The following BAZ2B variants were observed in gnomAD, a reference collection of about 807,000 sequenced individuals.
BAZ2B encodes bromodomain adjacent to zinc finger domain protein 2B.
In BAZ2B, 91 loss-of-function variants were observed where a neutral mutation model predicts 246.0. The ratio of observed to expected loss-of-function variants is 0.37; its 90% CI spans 0.31 to 0.44. The LOEUF (loss-of-function observed/expected upper bound fraction) is 0.44, where lower values mean the gene tolerates loss of function less well. Ranked by LOEUF, BAZ2B falls within the 20% of genes least tolerant of loss-of-function variation. BAZ2B has a pLI of 1.00. For synonymous variants in BAZ2B, 855 were observed against 860.0 expected (o/e 0.99, Z 0.10); for missense variants, 2,332 against 2,533.7 (o/e 0.92, Z 1.71).
At chr2:159,462,755 T>A (rs2076568145) in intron 3 of BAZ2B, 2 of 1,423,066 alleles carry the variant, frequency 1.4e-6, no homozygotes, top group African/African-American at 2.8e-5. Context: ...ATTCCAGAAG[T>A]TTTTAGGCTG....
intron 13 of BAZ2B, among the ~76,000 whole-genome samples, chr2:159,414,680 G>A (rs556046241): frequency 2.6e-5 from 4 of 152,040 alleles, no homozygotes; most frequent in South Asian, 4.2e-4. Context: ...AGCTGGGCAC[G>A]GTGGCGGGTG....
At chr2:159,529,176 A>G (rs2085086479) in intron 2 of BAZ2B, among the ~76,000 whole-genome samples, 1 of 152,092 alleles carries the variant, frequency 6.6e-6, no homozygotes, top group Non-Finnish European at 1.5e-5. Flanking sequence ...CATTAACCCT[A>G]TGTCTTCCAA....
chr2:159,345,108 G>T (rs556612605), intron 31 of BAZ2B, among the ~76,000 whole-genome samples: 19 of 152,102 alleles, frequency 1.2e-4, no homozygotes, highest in Admixed American at 9.8e-4. Flanking sequence ...TACTCAGGAA[G>T]GCTGAGGCAG....
chr2:159,339,300 G>T (rs2066221604), intron 31 of BAZ2B, among the ~76,000 whole-genome samples: 1 of 152,056 alleles, frequency 6.6e-6, no homozygotes, highest in Admixed American at 6.6e-5. Flanking sequence ...TCAAACATGA[G>T]GATGAGATAG....
At position 159,484,837 on chromosome 2, in the gene BAZ2B, TA is replaced by T. The variant is rs890948397; in HGVS notation, c.-2-6117del. 6.1e-3 allele frequency among the ~76,000 whole-genome samples: 893 copies of T among 145,430 alleles called. 6 individuals are homozygous for T. Among genetic ancestry groups the T allele is most frequent in the African/African-American group, 0.021 (852 of 39,788 alleles). On this transcript the variant is annotated intron_variant, in intron 2 of 36. Coordinates refer to ENST00000392783, the MANE Select transcript of BAZ2B (RefSeq NM_013450.4). ...TATACCGTCAAGAAAAGCAAGGTAA[TA>T]AAAAAAAAAGTATAGCCACAGATTA...
chr2:159,552,050 T>C (rs762840734), intron 2 of BAZ2B, among the ~76,000 whole-genome samples: 2 of 152,190 alleles, frequency 1.3e-5, no homozygotes, highest in African/African-American at 2.4e-5. Flanking sequence ...CCCAAGTCCA[T>C]GTCCTTAACT....
chr2:159,661,173 T>C, the BAZ2B span, among the ~76,000 whole-genome samples: 44 of 152,242 alleles, frequency 2.9e-4, no homozygotes, highest in African/African-American at 9.9e-4. Flanking sequence ...TAGAGTTTTA[T>C]ATAAATGAAA....
At chr2:159,449,714 C>T (rs2074778553) in intron 4 of BAZ2B, among the ~76,000 whole-genome samples, 1 of 152,058 alleles carries the variant, frequency 6.6e-6, no homozygotes, top group Non-Finnish European at 1.5e-5. Flanking sequence ...GGAACTGAAC[C>T]AAGAATAACT....
chr2:159,686,808 C>A, the BAZ2B span, among the ~76,000 whole-genome samples: 2 of 152,016 alleles, frequency 1.3e-5, no homozygotes, highest in Non-Finnish European at 1.5e-5. Context: ...TTTGGGAGGC[C>A]AAGGCGGACG....
chr2:159,337,655 T>C lies in BAZ2B; in HGVS notation c.5572A>G (p.Ser1858Gly). The change falls in exon 32 of 37, where the codon AGT becomes GGT. Residue 1858 changes from serine to glycine, a missense_variant. Around this residue, in one of 9 missense-constraint regions of BAZ2B, gnomAD observed 676 missense variants for 668.6 expected, o/e 1.01. Transcript: ENST00000392783. The part of the protein sequence containing the change: ...DGEFTGEDES[S>G]AHALERKSDN... ...CTCTTCCGTTCTAGTGCATGTGCAC[T>C]GCTTTCGTCTTCGCCAGTAAATTCT... The C allele has an allele frequency of 6.2e-7, 1 of 1,614,248 alleles. No homozygotes were observed. The highest frequency in any genetic ancestry group is 1.1e-5 in the South Asian group (1 of 91,092).
At chr2:159,430,285 T>A (rs2070838606) in intron 10 of BAZ2B, among the ~76,000 whole-genome samples, 1 of 152,232 alleles carries the variant, frequency 6.6e-6, no homozygotes, top group Non-Finnish European at 1.5e-5. Context: ...AGAATGAAGA[T>A]CTTTATAATG....
At chr2:159,441,515 G>C (rs957075208) in intron 6 of BAZ2B, among the ~76,000 whole-genome samples, 3 of 116,434 alleles carry the variant, frequency 2.6e-5, no homozygotes, top group Non-Finnish European at 6.7e-5. Flanking sequence ...GTGAGTATTA[G>C]AGAAATAGGG....
chr2:159,391,980 T>A (rs2063384813), intron 20 of BAZ2B: 1 of 152,138 alleles, frequency 6.6e-6, no homozygotes, highest in Admixed American at 6.6e-5. Flanking sequence ...AGCCAGAGCT[T>A]CCAAGGTCCC....
chr2:159,407,511 A>G (rs2066146034), intron 14 of BAZ2B, among the ~76,000 whole-genome samples: 1 of 152,200 alleles, frequency 6.6e-6, no homozygotes, highest in Non-Finnish European at 1.5e-5. Flanking sequence ...TCTATATGCC[A>G]CTATTTCTAA....
At chr2:159,560,504 C>A (rs979809243) in intron 1 of BAZ2B, among the ~76,000 whole-genome samples, 1 of 151,870 alleles carries the variant, frequency 6.6e-6, no homozygotes, top group African/African-American at 2.4e-5. Context: ...AAGTTAAGGA[C>A]TGTCATTCTC....
At chr2:159,637,702 C>T in the BAZ2B span, among the ~76,000 whole-genome samples, 9 of 152,070 alleles carry the variant, frequency 5.9e-5, no homozygotes, top group African/African-American at 1.7e-4. Flanking sequence ...GGACTACAGG[C>T]GCACACCACC....
chr2:159,660,199 A>G, the BAZ2B span, among the ~76,000 whole-genome samples: 3 of 152,200 alleles, frequency 2.0e-5, no homozygotes, highest in African/African-American at 7.2e-5. Flanking sequence ...TATATCACAA[A>G]TAAGTGAAAT....
chr2:159,369,471 T>C (rs1156774991), intron 27 of BAZ2B, among the ~76,000 whole-genome samples: 1 of 152,106 alleles, frequency 6.6e-6, no homozygotes, highest in African/African-American at 2.4e-5. Context: ...CAGAATGTGA[T>C]GGAAGGAGGG....
the BAZ2B span, among the ~76,000 whole-genome samples, chr2:159,631,725 C>G: frequency 2.5e-3 from 376 of 152,188 alleles, 2 homozygotes; most frequent in African/African-American, 8.7e-3. Flanking sequence ...ACTAAAAAAA[C>G]CTTTTTGTTC....
Sources: allele counts gnomAD v4.1 joint callset (sites outside exome capture counted in the v4.1 genomes callset), GRCh38; gene constraint gnomAD v4.1.1; regional missense constraint gnomAD v4.1.1; transcripts MANE v1.5; gene names NCBI Gene and HGNC (gene_info 2026-07-23, HGNC 2026-07-21).